Variants in PCDH15 observed in about 807,000 individuals in gnomAD.
PCDH15 encodes the protein protocadherin-15.
A neutral mutation model predicts 178.5 loss-of-function variants in PCDH15; 129 were observed. That is an observed-to-expected ratio of 0.72 (90% CI 0.63 to 0.84). The LOEUF (loss-of-function observed/expected upper bound fraction) is 0.84, where lower values mean the gene tolerates loss of function less well. Ranked by LOEUF, PCDH15 falls within the 40% of genes least tolerant of loss-of-function variation. The probability of loss-of-function intolerance (pLI) is 0.00; values close to 1 mark genes in which losing one functional copy is unlikely to be tolerated. For missense variants in PCDH15, 2,230 were observed against 2,099.9 expected (o/e 1.06, Z -1.21); for synonymous variants, 800 against 732.0 (o/e 1.09, Z -1.50).
chr10:54,805,916 A>ATTTC (rs1346807416), upstream of PCDH15, among the ~76,000 whole-genome samples: 42 of 152,284 alleles, frequency 2.8e-4, no homozygotes, highest in Admixed American at 4.6e-4. Context: ...CAAGAAACTT[A>ATTTC]TTTCTAAGCA....
intron 8 of PCDH15, among the ~76,000 whole-genome samples, chr10:54,296,070 G>A (rs189975312): frequency 0.012 from 1,742 of 146,202 alleles, 43 homozygotes; most frequent in African/African-American, 0.039. Context: ...GCGTGAACCC[G>A]GGAGGCGGAG....
intron 3 of PCDH15, among the ~76,000 whole-genome samples, chr10:54,889,500 G>T (rs1465217942): frequency 2.1e-5 from 3 of 142,012 alleles, no homozygotes; most frequent in South Asian, 2.3e-4. Flanking sequence ...TAATTGTGAA[G>T]ATATATATAT....
intron 3 of PCDH15, among the ~76,000 whole-genome samples, chr10:54,875,402 A>C (rs971228363): frequency 5.9e-5 from 9 of 152,128 alleles, no homozygotes; most frequent in African/African-American, 2.2e-4. Flanking sequence ...ATTACCTTAC[A>C]GTGACCCCCA....
chr10:54,508,709 T>G (rs534141081), intron 3 of PCDH15, among the ~76,000 whole-genome samples: 1 of 152,228 alleles, frequency 6.6e-6, no homozygotes, highest in African/African-American at 2.4e-5. Flanking sequence ...GTTTGAAGCA[T>G]TGAACTAAAA....
intron 3 of PCDH15, among the ~76,000 whole-genome samples, chr10:54,500,270 G>A (rs924467109): frequency 6.6e-6 from 1 of 151,900 alleles, no homozygotes; most frequent in Non-Finnish European, 1.5e-5. Flanking sequence ...ACAAAGATGG[G>A]AACAATAAAA....
chr10:54,467,614 T>G (rs1448840220), intron 3 of PCDH15, among the ~76,000 whole-genome samples: 11 of 147,660 alleles, frequency 7.4e-5, no homozygotes, highest in Non-Finnish European at 1.2e-4. Flanking sequence ...TTTTTTTTTT[T>G]TTTTTTTTTT....
chr10:55,522,073 T>A (rs1197576385), intron 2 of PCDH15, among the ~76,000 whole-genome samples: 3 of 151,956 alleles, frequency 2.0e-5, no homozygotes, highest in Non-Finnish European at 4.4e-5. Flanking sequence ...AGAAATAGAA[T>A]TGCTGGATCA....
In PCDH15 at chr10:53,821,966, AG is replaced by A. The variant is rs1236257581; in HGVS notation, c.4368-1737del. ...TGATTTCCATATTTGTTACTTCTGAAGGGCACATAGTTTGAAGTTCTGAAAC... is the reference window on the plus strand; with the variant it reads ...TGATTTCCATATTTGTTACTTCTGAAGGCACATAGTTTGAAGTTCTGAAAC... On this transcript the variant is annotated intron_variant, in intron 32 of 37. Coordinates refer to ENST00000644397, the MANE Select transcript of PCDH15 (RefSeq NM_001384140.1). 6.2e-7 allele frequency: 1 copy of A among 1,613,776 alleles called. No individual in the cohort carries two copies. Among genetic ancestry groups the A allele is most frequent in the African/African-American group, 1.3e-5 (1 of 74,886 alleles).
intron 2 of PCDH15, among the ~76,000 whole-genome samples, chr10:55,346,483 C>G (rs961115490): frequency 1.1e-4 from 16 of 151,978 alleles, no homozygotes; most frequent in African/African-American, 3.1e-4. Context: ...TTATATGGAT[C>G]CAGCAAAATT....
intron 1 of PCDH15, among the ~76,000 whole-genome samples, chr10:55,176,830 C>T (rs573467966): frequency 1.3e-5 from 2 of 152,174 alleles, no homozygotes; most frequent in Non-Finnish European, 2.9e-5. Flanking sequence ...TCTTTGCATT[C>T]GAGGATCCTT....
intron 2 of PCDH15, among the ~76,000 whole-genome samples, chr10:55,351,584 A>G (rs1227001448): frequency 6.6e-6 from 1 of 152,124 alleles, no homozygotes; most frequent in Non-Finnish European, 1.5e-5. Flanking sequence ...TTCAAATTCA[A>G]ACCAAGCCAC....
chr10:54,929,412 G>A (rs1837712011), intron 2 of PCDH15, among the ~76,000 whole-genome samples: 1 of 152,154 alleles, frequency 6.6e-6, no homozygotes. Flanking sequence ...GTGGCAGGGT[G>A]CTGGATACTT....
chr10:54,022,032 C>A (rs376801505), intron 19 of PCDH15, among the ~76,000 whole-genome samples: 4 of 151,864 alleles, frequency 2.6e-5, no homozygotes, highest in African/African-American at 9.7e-5. Flanking sequence ...ATGTTTATTG[C>A]TGAGTTCAAT....
rs1937939566 is a variant in PCDH15, at chr10:54,325,910, A to G, written c.705+3686T>C. Among the ~76,000 whole-genome samples, 3 of 152,098 alleles carry G rather than the reference A, an allele frequency of 2.0e-5. No homozygotes were observed. The South Asian group carries it at 6.2e-4, about 31-fold the overall frequency. ...GGTGACAGAGCAAGACTGTCTCAAAATAAATAAATAAATAAGCAAACAAAC... is the reference window on the plus strand; with the variant it reads ...GGTGACAGAGCAAGACTGTCTCAAAGTAAATAAATAAATAAGCAAACAAAC... On this transcript the variant is annotated intron_variant, in intron 7 of 37. Coordinates refer to ENST00000644397, the MANE Select transcript of PCDH15 (RefSeq NM_001384140.1).
In PCDH15 at chr10:53,806,929, C is replaced by T; in HGVS notation, c.4873G>A (p.Val1625Ile). The T allele has an allele frequency of 6.2e-7, 1 of 1,613,858 alleles. No homozygotes were observed. The highest frequency in any genetic ancestry group is 1.3e-5 in the African/African-American group (1 of 75,002). ...CCTCCCAGTCGAACAGGGGAAGCAACTTTTAAGTTGTCCGTGAGGCAGGCA... is the reference window on the plus strand; with the variant it reads ...CCTCCCAGTCGAACAGGGGAAGCAATTTTTAAGTTGTCCGTGAGGCAGGCA... ...RRACLTDNLK[V>I]ASPVRLGGPF... Residue 1625 changes from valine (V) to isoleucine (I), a missense_variant, in exon 38 of 38, where the codon GTT becomes ATT. Transcript: ENST00000644397.
chr10:55,021,603 A>AT (rs1840330362), intron 2 of PCDH15, among the ~76,000 whole-genome samples: 1 of 152,214 alleles, frequency 6.6e-6, no homozygotes, highest in African/African-American at 2.4e-5. Flanking sequence ...TGTTAAAATA[A>AT]AACTTTAAAA....
intron 3 of PCDH15, among the ~76,000 whole-genome samples, chr10:54,475,985 T>TA (rs1450909722): frequency 2.7e-5 from 4 of 146,846 alleles, no homozygotes; most frequent in African/African-American, 2.5e-5. Flanking sequence ...ACTATGCATA[T>TA]GATATATATA....
At chr10:53,912,812 A>G (rs1415487078) in intron 25 of PCDH15, among the ~76,000 whole-genome samples, 1 of 152,220 alleles carries the variant, frequency 6.6e-6, no homozygotes, top group Non-Finnish European at 1.5e-5. Context: ...AAATGGAAGA[A>G]CATTCCATGC....
In PCDH15 at chr10:54,148,850, CCA is replaced by C. The variant is rs149440099; in HGVS notation, c.1784+4248_1784+4249del. ...CCTCTGCTCCCCTAAAATCTGCCTC[CCA>C]CAGAGACAATCAGATGGATTTTACA... On this transcript the variant is annotated intron_variant, in intron 14 of 37. Transcript: ENST00000644397. 4.2e-3 allele frequency among the ~76,000 whole-genome samples: 635 copies of C among 151,934 alleles called. 5 individuals are homozygous for C. The highest frequency in any genetic ancestry group is 0.015 in the African/African-American group (602 of 41,442).
Sources: allele counts gnomAD v4.1 joint callset (sites outside exome capture counted in the v4.1 genomes callset), GRCh38; gene constraint gnomAD v4.1.1; transcripts MANE v1.5; gene names NCBI Gene and HGNC (gene_info 2026-07-23, HGNC 2026-07-21).